EPS8: variants seen among roughly 807,000 people sequenced by gnomAD.
EPS8 encodes the protein EGFR pathway substrate 8, signaling adaptor, also known as epidermal growth factor receptor kinase substrate 8.
In EPS8, 42 loss-of-function variants were observed where a neutral mutation model predicts 103.8. The ratio of observed to expected loss-of-function variants is 0.40; its 90% confidence interval spans 0.32 to 0.52. The LOEUF is 0.52. Among genes scored for constraint, EPS8 ranks in the 20% least tolerant of loss-of-function variants. The pLI is 0.40. For synonymous variants in EPS8, 344 were observed against 344.6 expected, an observed-to-expected ratio of 1.00 and a Z score of 0.02; for missense variants, 969 against 1,005.1, an observed-to-expected ratio of 0.96 and a Z score of 0.49.
chr12:15,663,952 T>TAATAATAATA (rs1565487312), intron 8 of EPS8, among the ~76,000 whole-genome samples: 4 of 31,008 alleles, frequency 1.3e-4, no homozygotes, highest in South Asian at 1.0e-3. Flanking sequence ...AAAAATAATA[T>TAATAATAATA]ATATATATAT....
In EPS8 at chr12:15,733,480, C is replaced by G. The variant is rs1591905947; in HGVS notation, c.-21-50508G>C. On this transcript the variant is annotated intron_variant, in intron 1 of 20. Transcript: ENST00000281172. The surrounding 1 kb of genome is among the most constrained non-coding windows in gnomAD (Gnocchi z 4.8). ...ATGAGATTTGGGTGAGGACACAGAG[C>G]CAATCCATATCATATTGTTCATTAA... Among the ~76,000 whole-genome samples the G allele has an allele frequency of 6.6e-6, 1 of 152,240 alleles. No individual in the cohort carries two copies. The highest frequency in any genetic ancestry group is 2.4e-5 in the African/African-American group (1 of 41,550).
chr12:15,679,179 C>T lies in EPS8; in HGVS notation c.136+2047G>A, dbSNP rs145836394. Among the ~76,000 whole-genome samples, 30 of 152,164 alleles carry T rather than the reference C, an allele frequency of 2.0e-4. No homozygotes were observed. The East Asian group carries it at 4.6e-3, about 24-fold the overall frequency. On this transcript the variant is annotated intron_variant, in intron 3 of 20. Transcript: ENST00000281172. ...CTTAAATCTCTGATTCACTTATTTC[C>T]ATCCATATTCATCAAATTCATCCTC...
In EPS8 at chr12:15,666,441, T is replaced by G. The variant is rs1352957783; in HGVS notation, c.598A>C (p.Arg200=). ...GKQKRRPDAL[R]MISNADPSIP... is the part of the protein sequence containing the mutation. ...CTTGATTTCTTTCAATGCTTTTACC[T>G]CAGGGCGTCGGGCCGCCTCTTCTGT... The change falls in exon 7 of 21, where the codon AGG becomes CGG. Residue 200 remains arginine, a splice_region_variant and synonymous_variant. Coordinates refer to ENST00000281172, the MANE Select transcript of EPS8 (RefSeq NM_004447.6). The G allele has an allele frequency of 6.2e-7, 1 of 1,611,436 alleles. No individual in the cohort carries two copies. The highest frequency in any genetic ancestry group is 1.1e-5 in the South Asian group (1 of 90,936).
At chr12:15,631,027 C>G (rs563417998) in intron 18 of EPS8, among the ~76,000 whole-genome samples, 1 of 152,284 alleles carries the variant, frequency 6.6e-6, no homozygotes, top group South Asian at 2.1e-4. Flanking sequence ...TAGATGCTTT[C>G]TATGCATTAT....
At chr12:15,758,532 T>C (rs1947010567) in intron 1 of EPS8, among the ~76,000 whole-genome samples, 1 of 152,202 alleles carries the variant, frequency 6.6e-6, no homozygotes, top group Non-Finnish European at 1.5e-5. Flanking sequence ...GAATTAAAGT[T>C]TAATCAATTT....
chr12:15,755,125 A>AC (rs1262491623), intron 1 of EPS8, among the ~76,000 whole-genome samples: 5 of 152,312 alleles, frequency 3.3e-5, no homozygotes, highest in Middle Eastern at 3.4e-3. Flanking sequence ...GTGAGTATAG[A>AC]TGACATCACT....
At chr12:15,763,299 T>TA (rs1438312626) in intron 1 of EPS8, among the ~76,000 whole-genome samples, 1 of 151,984 alleles carries the variant, frequency 6.6e-6, no homozygotes, top group African/African-American at 2.4e-5. Context: ...TCCAAGTTGG[T>TA]AAAAAATAAA....
chr12:15,663,950 T>TAATAATAAA (rs375723916), intron 8 of EPS8, among the ~76,000 whole-genome samples: 1 of 61,776 alleles, frequency 1.6e-5, no homozygotes, highest in Admixed American at 2.3e-4. Flanking sequence ...AAAAAAATAA[T>TAATAATAAA]ATATATATAT....
At chr12:15,715,360 C>T (rs1461573704) in intron 1 of EPS8, among the ~76,000 whole-genome samples, 1 of 151,142 alleles carries the variant, frequency 6.6e-6, no homozygotes, top group African/African-American at 2.4e-5. Flanking sequence ...GGGCTGATCC[C>T]AAGAGCGCTT....
At chr12:15,661,042 A>G (rs1019955102) in intron 9 of EPS8, among the ~76,000 whole-genome samples, 2 of 152,202 alleles carry the variant, frequency 1.3e-5, no homozygotes, top group African/African-American at 4.8e-5. Flanking sequence ...CACAGTTAGG[A>G]GGAAAATTCT....
chr12:15,781,330 T>C lies in EPS8; in HGVS notation c.-22+7831A>G, dbSNP rs577315313. Among the ~76,000 whole-genome samples the C allele has an allele frequency of 6.6e-6, 1 of 152,302 alleles. No individual in the cohort carries two copies. Among genetic ancestry groups the C allele is most frequent in the East Asian group, 1.9e-4 (1 of 5,170 alleles). Reference sequence around the variant, plus strand: ...AATAAAAGAATGTAATTAAGGACACTCTGGCCATCCTTGCCCTTTTTCTTT... The same window carrying C: ...AATAAAAGAATGTAATTAAGGACACCCTGGCCATCCTTGCCCTTTTTCTTT... On this transcript the variant is annotated intron_variant, in intron 1 of 20. Coordinates refer to ENST00000281172, the MANE Select transcript of EPS8 (RefSeq NM_004447.6). This position sits in a 1 kb window ranked among gnomAD's most constrained non-coding sequence, Gnocchi z 4.1.
intron 10 of EPS8, 147 bp from the exon 11 acceptor site, chr12:15,658,732 C>G (rs1445819997): frequency 1.6e-6 from 1 of 619,216 alleles, no homozygotes; most frequent in East Asian, 2.7e-5. Context: ...CATAGTCTGA[C>G]TGTAACAAAC....
At chr12:15,681,361 A>G in intron 2 of EPS8, 59 bp from the exon 3 acceptor site, 1 of 692,932 alleles carries the variant, frequency 1.4e-6, no homozygotes, top group Non-Finnish European at 2.0e-6. Context: ...GTGTTGGGTT[A>G]AAGTCCAATA....
chr12:15,691,036 A>G (rs1265154989), intron 1 of EPS8, among the ~76,000 whole-genome samples: 1 of 152,092 alleles, frequency 6.6e-6, no homozygotes, highest in African/African-American at 2.4e-5. Flanking sequence ...ACAAATCTCT[A>G]GCACCTCATC....
At chr12:15,666,547 A>G in intron 6 of EPS8, 25 bp from the exon 7 acceptor site, 1 of 1,567,088 alleles carries the variant, frequency 6.4e-7, no homozygotes, top group Non-Finnish European at 8.8e-7. Flanking sequence ...AAGTTACCTG[A>G]AAGTTTATGG....
chr12:15,663,662 C>T (rs535432314), intron 8 of EPS8, among the ~76,000 whole-genome samples: 5 of 151,978 alleles, frequency 3.3e-5, no homozygotes, highest in Admixed American at 6.5e-5. Context: ...TGGTGGCTCA[C>T]GCCTGTAATT....
rs1946663462 is a variant in EPS8, at chr12:15,727,254, T to C, written c.-21-44282A>G. On this transcript the variant is annotated intron_variant, in intron 1 of 20. Transcript: ENST00000281172. The surrounding 1 kb of genome is among the most constrained non-coding windows in gnomAD (Gnocchi z 4.3). ...ATATCTACCTTTATACGTAGGACTT[T>C]ACACAACTGGGTTTGCTTTAGAAGC... is the stretch of plus-strand genomic sequence containing the variant. Among the ~76,000 whole-genome samples, 2 of 152,220 alleles carry C rather than the reference T, an allele frequency of 1.3e-5. No homozygotes were observed. The highest frequency in any genetic ancestry group is 2.9e-5 in the Non-Finnish European group (2 of 68,036).
chr12:15,654,164 C>T lies in EPS8; in HGVS notation c.1231G>A (p.Gly411Arg), dbSNP rs1322521830. The change falls in exon 13 of 21, where the codon GGA (glycine) becomes AGA (arginine). Residue 411 changes from glycine to arginine, a missense_variant. By Grantham distance (125) the Gly-to-Arg change is moderately radical. Transcript: ENST00000281172. ...GCTTACCTGGCTTTCATCCAAGTTC[C>T]TCCCAATGACATCCACAGCTGCCGT... ...DERQLWMSLG[G>R]TWMKARAEWP... The T allele has an allele frequency of 1.2e-6, 2 of 1,613,700 alleles. No individual in the cohort carries two copies. The highest frequency in any genetic ancestry group is 8.5e-7 in the Non-Finnish European group (1 of 1,179,758).
At chr12:15,758,653 C>T (rs1947011956) in intron 1 of EPS8, among the ~76,000 whole-genome samples, 1 of 152,134 alleles carries the variant, frequency 6.6e-6, no homozygotes, top group African/African-American at 2.4e-5. Context: ...TGATTAGATC[C>T]TAGCTTAAAC....
Sources: gnomAD v4.1 joint callset for allele counts (sites outside exome capture counted in the v4.1 genomes callset) on GRCh38, gnomAD v4.1.1 for gene constraint, Gnocchi (gnomAD v3.1) non-coding constraint, MANE v1.5 for transcripts, NCBI Gene and HGNC (gene_info 2026-07-23, HGNC 2026-07-21) for gene names.